CFAP20DC: variants seen among roughly 807,000 people sequenced by gnomAD.
CFAP20DC encodes protein CFAP20DC.
A neutral mutation model predicts 101.7 loss-of-function variants in CFAP20DC; 84 were observed. The observed-to-expected ratio is 0.83, with a 90% CI of 0.69 to 0.99. CFAP20DC has a LOEUF of 0.99. CFAP20DC is among the 50% of genes least tolerant of loss of function. The pLI is 0.00. For synonymous variants in CFAP20DC, 359 were observed against 351.2 expected, an observed-to-expected ratio of 1.02 and a Z score of -0.25; for missense variants, 1,007 against 970.3, an observed-to-expected ratio of 1.04 and a Z score of -0.50.
chr3:58,940,612 ACTGT>A (rs1299013801), intron 4 of CFAP20DC, among the ~76,000 whole-genome samples: 5 of 152,118 alleles, frequency 3.3e-5, no homozygotes, highest in Admixed American at 3.3e-4. Context: ...GTATTTCTGG[ACTGT>A]CTGTTGATTC....
chr3:58,901,932 C>A (rs1016211149), intron 6 of CFAP20DC, among the ~76,000 whole-genome samples: 4 of 152,150 alleles, frequency 2.6e-5, no homozygotes, highest in Non-Finnish European at 5.9e-5. Context: ...TCTCAAGTCT[C>A]CAGTCCCTGG....
chr3:59,017,264 T>G (rs1157053457), intron 4 of CFAP20DC: 2 of 152,076 alleles, frequency 1.3e-5, no homozygotes, highest in African/African-American at 2.4e-5. Flanking sequence ...AAACCTGAGA[T>G]GAAAGATGGA....
chr3:59,000,132 CT>C, intron 4 of CFAP20DC, among the ~76,000 whole-genome samples: 1 of 152,290 alleles, frequency 6.6e-6, no homozygotes, highest in East Asian at 1.9e-4. Context: ...CCTTTAAAAA[CT>C]TTTGTCTTCC....
chr3:58,984,988 C>A (rs368462439), intron 4 of CFAP20DC, among the ~76,000 whole-genome samples: 1 of 152,164 alleles, frequency 6.6e-6, no homozygotes, highest in African/African-American at 2.4e-5. Context: ...GCAGCCTTGA[C>A]GTCCTGGGCT....
Position 58,935,578 on chromosome 3 carries a change from A to G in CFAP20DC, c.393+2070T>C, listed in dbSNP as rs549879086. On this transcript the variant is annotated intron_variant, in intron 5 of 16. Coordinates refer to ENST00000482387, the MANE Select transcript of CFAP20DC (RefSeq NM_001394063.1). ...ATGGTACTGGTACCAAAACAGAGAT[A>G]TAGATCAATGGAATAGAACAGAGCC... is the stretch of plus-strand genomic sequence containing the variant. Among the ~76,000 whole-genome samples, 5 of 152,272 alleles carry G rather than the reference A, an allele frequency of 3.3e-5. No homozygotes were observed. In the South Asian group the frequency reaches 1.0e-3, roughly 32 times the overall value.
At chr3:58,956,500 C>T (rs1390598656) in intron 4 of CFAP20DC, among the ~76,000 whole-genome samples, 1 of 152,114 alleles carries the variant, frequency 6.6e-6, no homozygotes, top group African/African-American at 2.4e-5. Context: ...GTTTGAGTGC[C>T]TTCTCAGCTG....
chr3:58,999,968 C>A (rs2093263017), intron 4 of CFAP20DC, among the ~76,000 whole-genome samples: 1 of 151,896 alleles, frequency 6.6e-6, no homozygotes, highest in South Asian at 2.1e-4. Flanking sequence ...AAACCACAAC[C>A]TTGCATGAAG....
At chr3:58,909,198 T>A (rs1172804347) in intron 6 of CFAP20DC, among the ~76,000 whole-genome samples, 2 of 152,164 alleles carry the variant, frequency 1.3e-5, no homozygotes, top group East Asian at 3.8e-4. Context: ...GATTGTAACA[T>A]ATGTACCATT....
At position 58,866,632 on chromosome 3, in the gene CFAP20DC, C is replaced by T. The variant is rs1362861141; in HGVS notation, c.1192G>A (p.Val398Met). The T allele has an allele frequency of 6.2e-7, 1 of 1,607,242 alleles. No individual in the cohort carries two copies. Among genetic ancestry groups the T allele is most frequent in the Non-Finnish European group, 8.5e-7 (1 of 1,173,854 alleles). The part of the protein sequence containing the change: ...EDKASTILTT[V>M]SQQGAELLNS... ...AACAGCTCTGCTCCTTGTTGGGACACAGTGGTGAGGATAGTTGATGCTTTA... is the reference window on the plus strand; with the variant it reads ...AACAGCTCTGCTCCTTGTTGGGACATAGTGGTGAGGATAGTTGATGCTTTA... The change falls in exon 11 of 17, where the codon GTG becomes ATG. Residue 398 changes from valine (V) to methionine (M), a missense_variant. Transcript: ENST00000482387.
At position 58,869,531 on chromosome 3, in the gene CFAP20DC, T is replaced by G; in HGVS notation, c.853-41A>C. On this transcript the variant is annotated intron_variant, in intron 8 of 16. Transcript: ENST00000482387. The surrounding 1 kb of genome is among the most constrained non-coding windows in gnomAD (Gnocchi z 4.3). ...TCTGTACATTTTAAAATATAGCAACTACATTTGTTTTCTGTAGAAGCTATA... is the reference window on the plus strand; with the variant it reads ...TCTGTACATTTTAAAATATAGCAACGACATTTGTTTTCTGTAGAAGCTATA... 6.9e-7 allele frequency: 1 copy of G among 1,447,740 alleles called. No individual in the cohort carries two copies. Among genetic ancestry groups the G allele is most frequent in the South Asian group, 1.5e-5 (1 of 66,690 alleles). 89.7% of individuals were successfully genotyped at this position (1,447,740 alleles called of 1,614,324 possible).
In CFAP20DC at chr3:59,007,106, G is replaced by A. The variant is rs1422796314; in HGVS notation, c.278+32451C>T. Among the ~76,000 whole-genome samples, 1 of 152,148 alleles carries A rather than the reference G, an allele frequency of 6.6e-6. No homozygotes were observed. Among genetic ancestry groups the A allele is most frequent in the Non-Finnish European group, 1.5e-5 (1 of 68,026 alleles). On this transcript the variant is annotated intron_variant, in intron 4 of 16. Coordinates refer to ENST00000482387, the MANE Select transcript of CFAP20DC (RefSeq NM_001394063.1). This position sits in a 1 kb window ranked among gnomAD's most constrained non-coding sequence, Gnocchi z 4.4. ...CCCTGGCAAACTATACTGCACAGCA[G>A]AGGTAGCCATACTTCCCTCTGGAAC... is the stretch of plus-strand genomic sequence containing the variant.
At chr3:58,898,443 G>C (rs1011291136) in intron 6 of CFAP20DC, among the ~76,000 whole-genome samples, 7 of 152,184 alleles carry the variant, frequency 4.6e-5, no homozygotes, top group African/African-American at 1.7e-4. Flanking sequence ...CCAAAGTGCT[G>C]AGATTATAGG....
At position 58,728,920 on chromosome 3, in the gene CFAP20DC, A is replaced by T. The variant is rs766291324; in HGVS notation, c.198-11292T>A. The stretch of plus-strand genomic sequence containing the variant: ...GGTCTGTGTGACCAATCAAGTATGG[A>T]TGATGATGATGTGTGACTGCTGGGG... On this transcript the variant is annotated intron_variant, in intron 3 of 3. Coordinates refer to the CFAP20DC transcript ENST00000486145. The surrounding 1 kb of genome is among the most constrained non-coding windows in gnomAD (Gnocchi z 4.7). 6.6e-6 allele frequency among the ~76,000 whole-genome samples: 1 copy of T among 152,088 alleles called. No individual in the cohort carries two copies. Among genetic ancestry groups the T allele is most frequent in the South Asian group, 2.1e-4 (1 of 4,824 alleles).
chr3:59,035,110 T>G lies in CFAP20DC; in HGVS notation c.278+4447A>C, dbSNP rs2094072479. ...AATGACTACTGGGTAAATAATGAAA[T>G]CAAGGCAGAAATAAATAAGTTCTTT... On this transcript the variant is annotated intron_variant, in intron 4 of 16. Transcript: ENST00000482387. 2.6e-5 allele frequency among the ~76,000 whole-genome samples: 4 copies of G among 152,226 alleles called. No individual in the cohort carries two copies. In the South Asian group the frequency reaches 8.3e-4, roughly 32 times the overall value.
chr3:58,879,232 G>A (rs2081035028), intron 7 of CFAP20DC, among the ~76,000 whole-genome samples: 1 of 152,158 alleles, frequency 6.6e-6, no homozygotes, highest in African/African-American at 2.4e-5. Context: ...TAAGATGATG[G>A]ATATGTTAAC....
rs548523640 is a variant in CFAP20DC at position 58,788,387 on chromosome 3, T to C, written c.2237+18008A>G. Among the ~76,000 whole-genome samples the C allele has an allele frequency of 4.6e-4, 70 of 152,270 alleles. 1 individual carries two copies. Among genetic ancestry groups the C allele is most frequent in the African/African-American group, 1.6e-3 (67 of 41,560 alleles). ...TATTGGTGAGAATCCACAGACATTTTTGAGCTTCTAATGTGGACAGCGCTG... is the reference window on the plus strand; with the variant it reads ...TATTGGTGAGAATCCACAGACATTTCTGAGCTTCTAATGTGGACAGCGCTG... On this transcript the variant is annotated intron_variant, in intron 15 of 16. Transcript: ENST00000482387. The surrounding 1 kb of genome is among the most constrained non-coding windows in gnomAD (Gnocchi z 4.2).
chr3:58,731,337 T>C (rs1314911373), intron 3 of CFAP20DC, among the ~76,000 whole-genome samples: 4 of 152,264 alleles, frequency 2.6e-5, no homozygotes, highest in African/African-American at 4.8e-5. Flanking sequence ...CCTCTGAACA[T>C]GTGAGTTTAA....
rs755780383 is a variant in CFAP20DC at position 58,913,754 on chromosome 3, C to A, written c.504G>T (p.Lys168Asn). 8.7e-6 allele frequency: 14 copies of A among 1,613,636 alleles called. No individual in the cohort carries two copies. The highest frequency in any genetic ancestry group is 3.3e-4 in the Middle Eastern group (2 of 6,078). ...IVVSANCKLR[K>N]IFTLKSKPQD... ...GTGGCTTTGATTTTAAGGTGAAGATCTTCCGTAGCTTACAGTTAGCTGAGA... is the reference window on the plus strand; with the variant it reads ...GTGGCTTTGATTTTAAGGTGAAGATATTCCGTAGCTTACAGTTAGCTGAGA... The change falls in exon 6 of 17, where the codon AAG becomes AAT. Residue 168 changes from lysine (K) to asparagine (N), a missense_variant. Physicochemically the swap from Lys to Asn is moderately conservative, Grantham distance 94 (BLOSUM62 0). Coordinates refer to ENST00000482387, the MANE Select transcript of CFAP20DC (RefSeq NM_001394063.1). The surrounding 1 kb of genome is among the most constrained non-coding windows in gnomAD (Gnocchi z 4.4).
In CFAP20DC at chr3:58,868,487, C is replaced by T. The variant is rs186904264; in HGVS notation, c.1016-551G>A. Among the ~76,000 whole-genome samples, 2 of 152,230 alleles carry T rather than the reference C, an allele frequency of 1.3e-5. No individual in the cohort carries two copies. Among genetic ancestry groups the T allele is most frequent in the Admixed American group, 6.5e-5 (1 of 15,278 alleles). On this transcript the variant is annotated intron_variant, in intron 9 of 16. Transcript: ENST00000482387. The surrounding 1 kb of genome is among the most constrained non-coding windows in gnomAD (Gnocchi z 4.6). ...CACTTAACTGGCTTTTCCCCTGAAT[C>T]CTCACAATGACCCTTTGAGGCACCT...
Sources: gnomAD v4.1 joint callset for allele counts (sites outside exome capture counted in the v4.1 genomes callset) on GRCh38, gnomAD v4.1.1 for gene constraint, Gnocchi (gnomAD v3.1) non-coding constraint, MANE v1.5 for transcripts, NCBI Gene and HGNC (gene_info 2026-07-23, HGNC 2026-07-21) for gene names.